Variants in MCC observed in about 807,000 individuals in gnomAD.
MCC encodes MCC regulator of Wnt signaling pathway, also known as colorectal mutant cancer protein.
In MCC, 90 loss-of-function variants were observed where a neutral mutation model predicts 116.2. That is an observed-to-expected ratio of 0.77 (90% CI 0.65 to 0.92). The LOEUF (loss-of-function observed/expected upper bound fraction) is 0.92, where lower values mean the gene tolerates loss of function less well. Among genes scored for constraint, MCC ranks in the 40% least tolerant of loss-of-function variants. The pLI, the probability that MCC is intolerant of heterozygous loss-of-function variation, is 0.00. For missense variants in MCC, 1,516 were observed against 1,312.2 expected, an observed-to-expected ratio of 1.16 and a Z score of -2.40; for synonymous variants, 578 against 510.5, an observed-to-expected ratio of 1.13 and a Z score of -1.78.
chr5:113,195,517 A>G (rs1762359880), intron 3 of MCC, among the ~76,000 whole-genome samples: 1 of 152,156 alleles, frequency 6.6e-6, no homozygotes, highest in Non-Finnish European at 1.5e-5. Context: ...TTCCAATTGC[A>G]TGTGAAATTT....
chr5:113,218,183 C>G (rs1740313232), intron 3 of MCC, among the ~76,000 whole-genome samples: 1 of 152,014 alleles, frequency 6.6e-6, no homozygotes, highest in African/African-American at 2.4e-5. Flanking sequence ...CTCACGAGCA[C>G]TGGCGACAAG....
intron 17 of MCC, among the ~76,000 whole-genome samples, chr5:113,034,358 G>T (rs979181157): frequency 2.0e-5 from 3 of 152,236 alleles, no homozygotes; most frequent in African/African-American, 7.2e-5. Context: ...CGGAAGTGGT[G>T]CTTGTTGGTG....
At chr5:113,203,524 C>A (rs1762779512) in intron 3 of MCC, among the ~76,000 whole-genome samples, 1 of 151,986 alleles carries the variant, frequency 6.6e-6, no homozygotes, top group Non-Finnish European at 1.5e-5. Flanking sequence ...TGCTGACCTG[C>A]CCGGGGGGCC....
At chr5:113,138,119 T>A (rs1230073034) in intron 5 of MCC, among the ~76,000 whole-genome samples, 2 of 151,920 alleles carry the variant, frequency 1.3e-5, no homozygotes, top group Admixed American at 1.3e-4. Context: ...TGGGTTCAAG[T>A]GATTCTCCTG....
chr5:113,387,787 T>C (rs926973449), intron 1 of MCC, among the ~76,000 whole-genome samples: 2 of 152,178 alleles, frequency 1.3e-5, no homozygotes, highest in African/African-American at 2.4e-5. Context: ...AAATAATACA[T>C]AGAAAGCACT....
intron 3 of MCC, among the ~76,000 whole-genome samples, chr5:113,207,888 T>A (rs1398564081): frequency 6.6e-6 from 1 of 152,182 alleles, no homozygotes; most frequent in Non-Finnish European, 1.5e-5. Context: ...GTCTGCTGAA[T>A]GAGAACCCTA....
chr5:113,381,096 A>T (rs536791615), intron 2 of MCC, among the ~76,000 whole-genome samples: 5 of 152,248 alleles, frequency 3.3e-5, no homozygotes, highest in Non-Finnish European at 7.3e-5. Flanking sequence ...CAGGGAGGCC[A>T]GTTAAAGGTT....
intron 3 of MCC, among the ~76,000 whole-genome samples, chr5:113,333,636 C>G (rs1220166978): frequency 6.6e-6 from 1 of 150,466 alleles, no homozygotes; most frequent in Non-Finnish European, 1.5e-5. Context: ...ACATTACCAT[C>G]TTCATCTGCA....
At chr5:113,355,586 C>G (rs1370404376) in intron 2 of MCC, among the ~76,000 whole-genome samples, 1 of 152,062 alleles carries the variant, frequency 6.6e-6, no homozygotes, top group Non-Finnish European at 1.5e-5. Flanking sequence ...GCTAGAAGTC[C>G]AAAATGGGGT....
intron 3 of MCC, among the ~76,000 whole-genome samples, chr5:113,253,682 A>AAAAG (rs1764888263): frequency 6.6e-6 from 1 of 152,196 alleles, no homozygotes; most frequent in Non-Finnish European, 1.5e-5. Flanking sequence ...AGCTGGGGAA[A>AAAAG]AAAGATAAAT....
At position 113,057,181 on chromosome 5, in the gene MCC, C is replaced by T. The variant is rs1014536814; in HGVS notation, c.2214-3222G>A. Among the ~76,000 whole-genome samples, 6 of 152,090 alleles carry T rather than the reference C, an allele frequency of 3.9e-5. No individual in the cohort carries two copies. The South Asian group carries it at 6.2e-4, about 16-fold the overall frequency. On this transcript the variant is annotated intron_variant, in intron 14 of 18. Coordinates refer to ENST00000408903, the MANE Select transcript of MCC (RefSeq NM_001085377.2). ...AGGAGAAGTGGTCAGAGAGGGAGTGCGTGGGAGGGGCTGGGTGCCAGGTCA... is the reference window on the plus strand; with the variant it reads ...AGGAGAAGTGGTCAGAGAGGGAGTGTGTGGGAGGGGCTGGGTGCCAGGTCA...
intron 2 of MCC, among the ~76,000 whole-genome samples, chr5:113,362,545 C>T (rs1412163193): frequency 6.6e-6 from 1 of 151,920 alleles, no homozygotes; most frequent in Non-Finnish European, 1.5e-5. Context: ...TTTGGGCCAC[C>T]TTGTTCTAGT....
At chr5:113,303,909 C>A (rs948658228) in intron 3 of MCC, among the ~76,000 whole-genome samples, 1 of 152,176 alleles carries the variant, frequency 6.6e-6, no homozygotes, top group Non-Finnish European at 1.5e-5. Context: ...CCCGCCTCGG[C>A]CTCCCAAAGT....
At chr5:113,142,042 C>G (rs1160219691) in intron 5 of MCC, among the ~76,000 whole-genome samples, 1 of 152,110 alleles carries the variant, frequency 6.6e-6, no homozygotes, top group African/African-American at 2.4e-5. Flanking sequence ...AATTTAAAAG[C>G]CTTGAGGTTC....
chr5:113,058,101 C>G (rs570165808), intron 14 of MCC, among the ~76,000 whole-genome samples: 2 of 152,180 alleles, frequency 1.3e-5, no homozygotes, highest in Non-Finnish European at 2.9e-5. Context: ...GAATAACCAA[C>G]AGCTGTGCGT....
intron 3 of MCC, among the ~76,000 whole-genome samples, chr5:113,246,053 A>G (rs761370401): frequency 1.3e-5 from 2 of 152,234 alleles, no homozygotes; most frequent in African/African-American, 2.4e-5. Flanking sequence ...TGGGGAACAA[A>G]AAAGAATAAA....
At chr5:113,057,172 G>C (rs1172905876) in intron 14 of MCC, among the ~76,000 whole-genome samples, 2 of 152,212 alleles carry the variant, frequency 1.3e-5, no homozygotes, top group Non-Finnish European at 2.9e-5. Flanking sequence ...AGTGGTCAGA[G>C]AGGGAGTGCG....
intron 13 of MCC, among the ~76,000 whole-genome samples, chr5:113,066,261 C>A (rs779817366): frequency 6.6e-6 from 1 of 152,136 alleles, no homozygotes; most frequent in Non-Finnish European, 1.5e-5. Flanking sequence ...TAAGACACTC[C>A]GCTGATAACC....
chr5:113,182,806 G>A (rs531416094), intron 3 of MCC, among the ~76,000 whole-genome samples: 19 of 152,278 alleles, frequency 1.2e-4, no homozygotes, highest in South Asian at 1.2e-3. Context: ...CAATGCATGC[G>A]CATCCAATGA....
Sources: allele counts gnomAD v4.1 joint callset (sites outside exome capture counted in the v4.1 genomes callset), GRCh38; gene constraint gnomAD v4.1.1; transcripts MANE v1.5; gene names NCBI Gene and HGNC (gene_info 2026-07-23, HGNC 2026-07-21).